The following PPFIA4 variants were observed in gnomAD, a reference collection of about 807,000 sequenced individuals.
PPFIA4 encodes liprin-alpha-4.
PPFIA4 carries 98 observed loss-of-function variants against 145.7 expected under a neutral mutation model. That is an observed-to-expected ratio of 0.67 (90% CI 0.57 to 0.80). The LOEUF is 0.80. Ranked by LOEUF, PPFIA4 falls within the 30% of genes least tolerant of loss-of-function variation. The probability of loss-of-function intolerance (pLI) is 0.00; values close to 1 mark genes in which losing one functional copy is unlikely to be tolerated. For missense variants in PPFIA4, 1,457 were observed against 1,632.7 expected (o/e 0.89, Z 1.85); for synonymous variants, 628 against 649.6 (o/e 0.97, Z 0.51).
At chr1:203,049,808 C>A in intron 13 of PPFIA4, 41 bp downstream of exon 13, 1 of 1,461,182 alleles carries the variant, frequency 6.8e-7, no homozygotes, top group Non-Finnish European at 9.1e-7. Context: ...GGACGGGGTC[C>A]TGATGGACCG....
chr1:203,060,402 A>C lies in PPFIA4; in HGVS notation c.2769A>C (p.Pro923=). 3 of 1,613,128 alleles carry C rather than the reference A, an allele frequency of 1.9e-6. No individual in the cohort carries two copies. Among genetic ancestry groups the C allele is most frequent in the Non-Finnish European group, 2.5e-6 (3 of 1,179,844 alleles). The change falls in exon 22 of 30, where the codon CCA becomes CCC. Residue 923 remains proline, a synonymous_variant. Coordinates refer to ENST00000295706, the MANE Select transcript of PPFIA4 (RefSeq NM_001304331.2). This position sits in a 1 kb window ranked among gnomAD's most constrained non-coding sequence, Gnocchi z 4.8. Reference sequence around the variant, plus strand: ...TGTCATTGACCAGCCCCTCTGCCCCACCCACCTCCAGGACTGTGAGTGGCC... The same window carrying C: ...TGTCATTGACCAGCCCCTCTGCCCCCCCCACCTCCAGGACTGTGAGTGGCC... ...EMVSLTSPSA[P]PTSRTSSGNV... is the part of the protein sequence containing the mutation.
chr1:203,041,617 G>C (rs1311636173), intron 2 of PPFIA4, among the ~76,000 whole-genome samples: 1 of 152,166 alleles, frequency 6.6e-6, no homozygotes, highest in African/African-American at 2.4e-5. Context: ...TTGTGCTTTG[G>C]GAGATTTGTA....
At position 203,075,619 on chromosome 1, in the gene PPFIA4, C is replaced by T; in HGVS notation, c.3436C>T (p.Arg1146Cys). 6.8e-7 allele frequency: 1 copy of T among 1,480,052 alleles called. No individual in the cohort carries two copies. Among genetic ancestry groups the T allele is most frequent in the Non-Finnish European group, 9.0e-7 (1 of 1,114,068 alleles). The allele number at this position is 1,480,052 out of a possible 1,614,324, so 91.7% of individuals were successfully genotyped here. A position where few individuals can be genotyped will look rare whatever the true frequency, so the allele number is the denominator to read the frequency against. The change falls in exon 29 of 30, where the codon CGC becomes TGC. Residue 1146 changes from arginine to cysteine, a missense_variant. Arg to Cys is a radical substitution (Grantham distance 180, BLOSUM62 -3). Transcript: ENST00000295706. The surrounding 1 kb of genome is among the most constrained non-coding windows in gnomAD (Gnocchi z 4.1). ...TCGCCGCGCGCCCTCCTGGAGGAAG[C>T]GCTTCCGGCCGCGGGAGCACCACGG... is the stretch of plus-strand genomic sequence containing the variant. The part of the protein sequence containing the change: ...VFRRAPSWRK[R>C]FRPREHHGRG...
intron 20 of PPFIA4, 111 bp downstream of exon 20, chr1:203,059,382 C>G (rs1661206924): frequency 1.1e-6 from 1 of 929,442 alleles, no homozygotes; most frequent in Non-Finnish European, 1.7e-6. Flanking sequence ...CAGCAAGGCC[C>G]TTCCTGAACT....
Position 203,044,731 on chromosome 1 carries a change from T to C in PPFIA4, c.612T>C (p.Asp204=). ...SALQQGAGVR[D]GAAEEEGTVE... ...TGCAGCAGGGGGCAGGGGTGCGGGATGGAGCGGCAGAAGAGGAGGGGACTG... is the reference window on the plus strand; with the variant it reads ...TGCAGCAGGGGGCAGGGGTGCGGGACGGAGCGGCAGAAGAGGAGGGGACTG... Residue 204 remains aspartate, a synonymous_variant, in exon 6 of 30, where the codon GAT becomes GAC. Transcript: ENST00000295706. 1.3e-6 allele frequency: 2 copies of C among 1,564,412 alleles called. No homozygotes were observed. The highest frequency in any genetic ancestry group is 1.4e-5 in the African/African-American group (1 of 73,984).
chr1:203,070,899 T>C (rs1662106014), intron 27 of PPFIA4, among the ~76,000 whole-genome samples: 1 of 152,010 alleles, frequency 6.6e-6, no homozygotes, highest in East Asian at 1.9e-4. Context: ...TCAGACAATT[T>C]TTTTTCCAAG....
chr1:203,071,442 C>T (rs1037887633), intron 27 of PPFIA4, among the ~76,000 whole-genome samples: 20 of 66,728 alleles, frequency 3.0e-4, no homozygotes, highest in Admixed American at 8.2e-4. Flanking sequence ...AAGTGCCCGG[C>T]CACTACTTTA....
At position 203,055,584 on chromosome 1, in the gene PPFIA4, C is replaced by T. The variant is rs149622424; in HGVS notation, c.1982C>T (p.Ala661Val). Residue 661 changes from alanine (A) to valine (V), a missense_variant, in exon 16 of 30, where the codon GCG (alanine) becomes GTG (valine). Ala to Val is a moderately conservative substitution (Grantham distance 64, BLOSUM62 0). Coordinates refer to ENST00000295706, the MANE Select transcript of PPFIA4 (RefSeq NM_001304331.2). This position sits in a 1 kb window ranked among gnomAD's most constrained non-coding sequence, Gnocchi z 4.8. ...TSLTALSLAS[A>V]SPPLSGRSTP... The stretch of plus-strand genomic sequence containing the variant: ...CTGACGGCCCTGTCCCTGGCCAGCG[C>T]GTCCCCACCACTCAGCGGCCGCTCC... The T allele has an allele frequency of 3.5e-4, 567 of 1,614,018 alleles. No individual in the cohort carries two copies. Among genetic ancestry groups the T allele is most frequent in the East Asian group, 3.1e-3 (138 of 44,888 alleles).
chr1:203,069,997 C>T (rs1662031530), intron 27 of PPFIA4, among the ~76,000 whole-genome samples: 1 of 152,132 alleles, frequency 6.6e-6, no homozygotes, highest in South Asian at 2.1e-4. Flanking sequence ...TTGAAATTTA[C>T]TGTGCTTCTC....
intron 25 of PPFIA4, among the ~76,000 whole-genome samples, chr1:203,066,915 A>G (rs1661761792): frequency 6.6e-6 from 1 of 152,244 alleles, no homozygotes; most frequent in Admixed American, 6.5e-5. Context: ...AATAATAAAT[A>G]TATGGTATGT....
At position 203,048,742 on chromosome 1, in the gene PPFIA4, G is replaced by A. The variant is rs552040666; in HGVS notation, c.1356+28G>A. The A allele has an allele frequency of 2.5e-6, 4 of 1,602,104 alleles. No individual in the cohort carries two copies. Among genetic ancestry groups the A allele is most frequent in the East Asian group, 4.5e-5 (2 of 44,420 alleles). ...GCCCAGAGGGGCGGGGTTGGGATGC[G>A]AGAGGTTAGTGCTGGGTGTGGGGCG... On this transcript the variant is annotated intron_variant, in intron 11 of 29. Transcript: ENST00000295706. This position sits in a 1 kb window ranked among gnomAD's most constrained non-coding sequence, Gnocchi z 5.8.
intron 2 of PPFIA4, among the ~76,000 whole-genome samples, chr1:203,041,766 G>C (rs1482993425): frequency 6.7e-6 from 1 of 148,400 alleles, no homozygotes; most frequent in Non-Finnish European, 1.5e-5. Flanking sequence ...CATGGTGTAG[G>C]GCTGGGTGGC....
intron 13 of PPFIA4, among the ~76,000 whole-genome samples, chr1:203,050,307 C>T (rs932250776): frequency 1.3e-5 from 2 of 152,234 alleles, no homozygotes; most frequent in Admixed American, 6.5e-5. Flanking sequence ...GAGCTTATCT[C>T]CTAATGCTTG....
Position 203,048,994 on chromosome 1 carries a change from G to T in PPFIA4, c.1419+14G>T. On this transcript the variant is annotated intron_variant, in intron 12 of 29. Transcript: ENST00000295706. The surrounding 1 kb of genome is among the most constrained non-coding windows in gnomAD (Gnocchi z 5.8). ...CACCACCACAAGGTACCCGGCTGCG[G>T]CCAGCCCCGCCCAGCCTGGGAGGGC... The T allele has an allele frequency of 6.5e-7, 1 of 1,548,276 alleles. No homozygotes were observed. Among genetic ancestry groups the T allele is most frequent in the Non-Finnish European group, 8.7e-7 (1 of 1,146,616 alleles).
At chr1:203,051,532 C>A in intron 13 of PPFIA4, 1 of 777,152 alleles carries the variant, frequency 1.3e-6, no homozygotes, top group South Asian at 3.6e-5. Flanking sequence ...TTATGCCAGA[C>A]GGAAAACCGC....
At chr1:203,037,260 C>A in intron 1 of PPFIA4, 1 of 269,320 alleles carries the variant, frequency 3.7e-6, no homozygotes, top group South Asian at 3.0e-5. Context: ...TGCCACAGGC[C>A]TGTGCAGTGT....
At chr1:203,058,708 C>G (rs577193249) in intron 19 of PPFIA4, among the ~76,000 whole-genome samples, 6 of 152,266 alleles carry the variant, frequency 3.9e-5, no homozygotes, top group African/African-American at 1.4e-4. Context: ...GCATGTTCCC[C>G]TTTGTGGTTT....
At position 203,043,452 on chromosome 1, in the gene PPFIA4, G is replaced by T; in HGVS notation, c.290G>T (p.Arg97Leu). ...LSMCREQLLE[R>L]EEEISELKAE... ...ATGTGTCGGGAGCAGCTTCTAGAGC[G>T]GGAGGAAGAGATATCAGAACTGAAA... is the stretch of plus-strand genomic sequence containing the variant. The change falls in exon 3 of 30, where the codon CGG becomes CTG. Residue 97 changes from arginine (R) to leucine (L), a missense_variant. Arg to Leu is a moderately radical substitution (Grantham distance 102). Coordinates refer to ENST00000295706, the MANE Select transcript of PPFIA4 (RefSeq NM_001304331.2). This position sits in a 1 kb window ranked among gnomAD's most constrained non-coding sequence, Gnocchi z 4.4. 1 of 1,611,592 alleles carries T rather than the reference G, an allele frequency of 6.2e-7. No homozygotes were observed. Among genetic ancestry groups the T allele is most frequent in the Non-Finnish European group, 8.5e-7 (1 of 1,179,348 alleles).
At chr1:203,047,106 C>T (rs538346094) in intron 9 of PPFIA4, among the ~76,000 whole-genome samples, 2 of 152,292 alleles carry the variant, frequency 1.3e-5, no homozygotes, top group African/African-American at 2.4e-5. Context: ...AGAAGAAAAC[C>T]GGTGTTTAGG....
Sources: gnomAD v4.1 joint callset for allele counts (sites outside exome capture counted in the v4.1 genomes callset) on GRCh38, gnomAD v4.1.1 for gene constraint, Gnocchi (gnomAD v3.1) non-coding constraint, MANE v1.5 for transcripts, NCBI Gene and HGNC (gene_info 2026-07-23, HGNC 2026-07-21) for gene names.